ARHGAP31: variants seen among roughly 807,000 people sequenced by gnomAD.
The protein encoded by ARHGAP31 is Rho GTPase activating protein 31.
ARHGAP31 carries 34 observed loss-of-function variants against 113.9 expected under a neutral mutation model. That is an observed-to-expected ratio of 0.30 (90% CI 0.23 to 0.40). The LOEUF (loss-of-function observed/expected upper bound fraction) is 0.40, where lower values mean the gene tolerates loss of function less well. Among genes scored for constraint, ARHGAP31 ranks in the 10% least tolerant of loss-of-function variants. ARHGAP31 has a pLI of 1.00. For missense variants in ARHGAP31, 1,548 were observed against 1,767.1 expected, an observed-to-expected ratio of 0.88 and a Z score of 2.22; for synonymous variants, 650 against 684.8, an observed-to-expected ratio of 0.95 and a Z score of 0.79.
intron 10 of ARHGAP31, among the ~76,000 whole-genome samples, chr3:119,406,801 C>T (rs762103562): frequency 1.3e-4 from 20 of 152,216 alleles, no homozygotes; most frequent in Non-Finnish European, 2.5e-4. Flanking sequence ...GGATAAATGA[C>T]ACACCTTCTC....
chr3:119,348,834 G>A (rs757948946), intron 1 of ARHGAP31, among the ~76,000 whole-genome samples: 5 of 152,120 alleles, frequency 3.3e-5, no homozygotes, highest in Non-Finnish European at 7.3e-5. Context: ...ACAAATATGG[G>A]TGTCTGACTG....
chr3:119,402,336 T>G lies in ARHGAP31; in HGVS notation c.1584T>G (p.His528Gln). Residue 528 changes from histidine (H) to glutamine (Q), a missense_variant, in exon 10 of 12, where the codon CAT becomes CAG. Physicochemically the swap from His to Gln is conservative, Grantham distance 24. Transcript: ENST00000264245. The part of the protein sequence containing the change: ...SLSSLEEFSF[H>Q]GSESGGWPEE... ...CCAGCCTGGAAGAGTTTTCTTTTCATGGATCAGAGAGCGGAGGCTGGCCAG... is the reference window on the plus strand; with the variant it reads ...CCAGCCTGGAAGAGTTTTCTTTTCAGGGATCAGAGAGCGGAGGCTGGCCAG... 6.2e-7 allele frequency: 1 copy of G among 1,614,026 alleles called. No homozygotes were observed. The highest frequency in any genetic ancestry group is 8.5e-7 in the Non-Finnish European group (1 of 1,180,042).
chr3:119,410,952 G>A (rs1019215450), intron 11 of ARHGAP31, among the ~76,000 whole-genome samples: 2 of 152,204 alleles, frequency 1.3e-5, no homozygotes, highest in African/African-American at 4.8e-5. Context: ...ATGCCACAAG[G>A]GTCGGGGAAA....
At chr3:119,378,741 C>T (rs898437947) in intron 3 of ARHGAP31, among the ~76,000 whole-genome samples, 4 of 152,192 alleles carry the variant, frequency 2.6e-5, no homozygotes, top group Non-Finnish European at 5.9e-5. Context: ...GAGGTTCTCA[C>T]CGCCTTGCAG....
At chr3:119,406,905 T>C (rs141803261) in intron 10 of ARHGAP31, among the ~76,000 whole-genome samples, 36 of 152,300 alleles carry the variant, frequency 2.4e-4, no homozygotes, top group African/African-American at 8.4e-4. Flanking sequence ...GGGAATGAAC[T>C]CAACAAAATA....
chr3:119,379,738 G>A (rs1335334620), intron 3 of ARHGAP31, among the ~76,000 whole-genome samples: 3 of 152,060 alleles, frequency 2.0e-5, no homozygotes, highest in Non-Finnish European at 4.4e-5. Flanking sequence ...ATTGATCTAG[G>A]TGGGTTACCT....
At chr3:119,390,671 G>A (rs944399861) in intron 6 of ARHGAP31, 114 bp from the exon 7 acceptor site, 2 of 1,171,766 alleles carry the variant, frequency 1.7e-6, no homozygotes, top group East Asian at 2.5e-5. Context: ...AGAAGCCAGG[G>A]TGGCACTCAG....
intron 9 of ARHGAP31, among the ~76,000 whole-genome samples, chr3:119,400,963 G>A (rs1292212801): frequency 6.6e-6 from 1 of 152,132 alleles, no homozygotes; most frequent in Non-Finnish European, 1.5e-5. Context: ...CTGAGGTCAG[G>A]AGTTCAAGAC....
chr3:119,373,476 T>C (rs1219281442), intron 3 of ARHGAP31, among the ~76,000 whole-genome samples: 1 of 152,012 alleles, frequency 6.6e-6, no homozygotes, highest in East Asian at 1.9e-4. Context: ...TGTTTGTTTG[T>C]TTTTTGAGAT....
chr3:119,304,876 C>T (rs758524117), intron 1 of ARHGAP31, among the ~76,000 whole-genome samples: 10 of 151,084 alleles, frequency 6.6e-5, no homozygotes, highest in Non-Finnish European at 1.2e-4. Flanking sequence ...GCCTGAGTGA[C>T]AGAGTGAGAC....
At position 119,402,109 on chromosome 3, in the gene ARHGAP31, A is replaced by G. The variant is rs1171636953; in HGVS notation, c.1357A>G (p.Met453Val). 1.2e-6 allele frequency: 2 copies of G among 1,614,128 alleles called. No homozygotes were observed. The highest frequency in any genetic ancestry group is 1.7e-6 in the Non-Finnish European group (2 of 1,180,050). Residue 453 changes from methionine to valine, a missense_variant, in exon 10 of 12, where the codon ATG becomes GTG. Met to Val is a conservative substitution (Grantham distance 21). Coordinates refer to ENST00000264245, the MANE Select transcript of ARHGAP31 (RefSeq NM_020754.4). ...GCAAACAGCCCCAAAGATGTTGGGT[A>G]TGTTCTACACTTCGAACGACAGCCC... ...SEQTAPKMLGMFYTSNDSPSK... is the reference protein window; with the variant it reads ...SEQTAPKMLGVFYTSNDSPSK...
At chr3:119,364,599 C>T (rs1056230988) in intron 1 of ARHGAP31, among the ~76,000 whole-genome samples, 7 of 152,136 alleles carry the variant, frequency 4.6e-5, no homozygotes, top group Non-Finnish European at 8.8e-5. Context: ...TGCTGGGCCC[C>T]ACCCCAAAAT....
intron 6 of ARHGAP31, among the ~76,000 whole-genome samples, chr3:119,389,032 G>A (rs1261561844): frequency 6.6e-6 from 1 of 151,934 alleles, no homozygotes; most frequent in African/African-American, 2.4e-5. Context: ...ATGGCGGTGG[G>A]TGCCTGTAGT....
At chr3:119,349,516 TGAG>T (rs2080092161) in intron 1 of ARHGAP31, among the ~76,000 whole-genome samples, 2 of 152,152 alleles carry the variant, frequency 1.3e-5, no homozygotes, top group Admixed American at 6.5e-5. Context: ...AAGAGAACTG[TGAG>T]GAGTTTACCT....
intron 1 of ARHGAP31, chr3:119,330,098 C>T (rs2079879821): frequency 4.9e-6 from 4 of 817,324 alleles, no homozygotes; most frequent in Non-Finnish European, 1.5e-6. Context: ...TCTAATCACC[C>T]CAATTAGTGT....
At chr3:119,352,525 T>C (rs1165837056) in intron 1 of ARHGAP31, among the ~76,000 whole-genome samples, 1 of 152,128 alleles carries the variant, frequency 6.6e-6, no homozygotes, top group Non-Finnish European at 1.5e-5. Context: ...CCACGAGAGG[T>C]TGTCCCTTCT....
At chr3:119,399,324 C>T in intron 9 of ARHGAP31, 63 bp downstream of exon 9, 2 of 1,384,644 alleles carry the variant, frequency 1.4e-6, no homozygotes, top group Non-Finnish European at 2.1e-6. Flanking sequence ...GCTCACTTGC[C>T]TTTATAAGCT....
In ARHGAP31 at chr3:119,355,624, A is replaced by T. The variant is rs140441753; in HGVS notation, c.101-9692A>T. Among the ~76,000 whole-genome samples, 1,383 of 152,136 alleles carry T rather than the reference A, an allele frequency of 9.1e-3. 24 individuals carry two copies. Among genetic ancestry groups the T allele is most frequent in the African/African-American group, 0.032 (1,309 of 41,482 alleles). ...TTGCATTAGGTATATCTCTAATGCT[A>T]TCCCTCCCCTATCCCCCCATCTCAC... On this transcript the variant is annotated intron_variant, in intron 1 of 11. Transcript: ENST00000264245.
intron 1 of ARHGAP31, among the ~76,000 whole-genome samples, chr3:119,319,864 T>C (rs889289638): frequency 3.3e-5 from 5 of 152,198 alleles, no homozygotes; most frequent in Non-Finnish European, 5.9e-5. Context: ...GTAAAACGTG[T>C]ACAGCTTTCA....
Sources: allele counts gnomAD v4.1 joint callset (sites outside exome capture counted in the v4.1 genomes callset), GRCh38; gene constraint gnomAD v4.1.1; transcripts MANE v1.5; gene names NCBI Gene and HGNC (gene_info 2026-07-23, HGNC 2026-07-21).